The following ARHGAP21 variants were observed in gnomAD, a reference collection of about 807,000 sequenced individuals.
ARHGAP21 encodes the protein rho GTPase-activating protein 21.
Under a neutral mutation model 164.6 loss-of-function variants are expected in ARHGAP21, and 38 were observed. That is an observed-to-expected ratio of 0.23 (90% CI 0.18 to 0.30). The LOEUF is 0.30. Ranked by LOEUF, ARHGAP21 falls within the 10% of genes least tolerant of loss-of-function variation. ARHGAP21 has a pLI of 1.00. For missense variants in ARHGAP21, 1,822 were observed against 2,370.7 expected (o/e 0.77, Z 4.81); for synonymous variants, 766 against 857.9 (o/e 0.89, Z 1.87).
intron 2 of ARHGAP21, among the ~76,000 whole-genome samples, chr10:24,684,814 C>CT (rs1177188566): frequency 6.6e-6 from 1 of 151,890 alleles, no homozygotes; most frequent in Admixed American, 6.6e-5. Context: ...AATTTTTGTA[C>CT]TTTTAGTAGA....
intron 4 of ARHGAP21, among the ~76,000 whole-genome samples, chr10:24,660,374 C>T (rs1341417805): frequency 8.3e-6 from 1 of 120,390 alleles, no homozygotes; most frequent in Non-Finnish European, 1.6e-5. Flanking sequence ...CAGAGCAACA[C>T]CCTCTCTCTC....
chr10:24,598,784 T>C (rs764656733), intron 14 of ARHGAP21, among the ~76,000 whole-genome samples: 1 of 152,210 alleles, frequency 6.6e-6, no homozygotes, highest in African/African-American at 2.4e-5. Flanking sequence ...TTAAATAGAC[T>C]CTTCCAACTT....
intron 14 of ARHGAP21, 87 bp from the exon 15 acceptor site, chr10:24,598,096 G>T: frequency 9.7e-7 from 1 of 1,034,634 alleles, no homozygotes; most frequent in Admixed American, 2.1e-5. Context: ...GTACTGCTTT[G>T]CTTATTTAAC....
chr10:24,633,362 TA>T (rs1263421003), intron 6 of ARHGAP21, 39 bp downstream of exon 6: 2 of 1,404,694 alleles, frequency 1.4e-6, no homozygotes, highest in Non-Finnish European at 2.0e-6. Context: ...TATTGATCTA[TA>T]AAACCCATCT....
intron 3 of ARHGAP21, among the ~76,000 whole-genome samples, chr10:24,669,036 A>C (rs1840456414): frequency 1.3e-5 from 2 of 152,166 alleles, no homozygotes; most frequent in African/African-American, 4.8e-5. Context: ...TTCTTAAGAG[A>C]TCTAGTCCAG....
intron 2 of ARHGAP21, among the ~76,000 whole-genome samples, chr10:24,692,729 G>A (rs1366068146): frequency 6.6e-6 from 1 of 152,062 alleles, no homozygotes; most frequent in Non-Finnish European, 1.5e-5. Flanking sequence ...CTACTCAGGA[G>A]GCTGAGGCAG....
chr10:24,703,866 G>A (rs1843951220), intron 2 of ARHGAP21, among the ~76,000 whole-genome samples: 2 of 152,230 alleles, frequency 1.3e-5, no homozygotes, highest in South Asian at 4.1e-4. Context: ...GCTGTCCTAA[G>A]TATTCCTATA....
intron 2 of ARHGAP21, among the ~76,000 whole-genome samples, chr10:24,692,783 G>C (rs1017225261): frequency 1.3e-5 from 2 of 151,638 alleles, no homozygotes; most frequent in South Asian, 2.1e-4. Context: ...AGTGAGCAGA[G>C]ATTGTGCCAC....
At chr10:24,628,784 C>CACACATATAT (rs1227086471) in intron 7 of ARHGAP21, among the ~76,000 whole-genome samples, 1 of 96,848 alleles carries the variant, frequency 1.0e-5, no homozygotes, top group Admixed American at 1.1e-4. Flanking sequence ...TATATATATA[C>CACACATATAT]ACACATATAT....
chr10:24,617,226 A>G (rs1278679652), intron 9 of ARHGAP21, among the ~76,000 whole-genome samples: 3 of 152,188 alleles, frequency 2.0e-5, no homozygotes, highest in African/African-American at 7.2e-5. Context: ...CTTTAATAAC[A>G]TAATTGTTTT....
intron 9 of ARHGAP21, among the ~76,000 whole-genome samples, chr10:24,615,696 T>C (rs767922671): frequency 1.3e-5 from 2 of 152,200 alleles, no homozygotes; most frequent in Non-Finnish European, 2.9e-5. Context: ...AATTCCCCAC[T>C]GGGTTATGGT....
At position 24,584,652 on chromosome 10, in the gene ARHGAP21, G is replaced by A. The variant is rs372996217; in HGVS notation, c.5637C>T (p.Ser1879=). The change falls in exon 26 of 26, where the codon AGC becomes AGT. Residue 1879 remains serine, a synonymous_variant. Transcript: ENST00000396432. ...EIGDPQTENP[S]TREIATTDTP... ...TGTCGGTCGTGGCTATTTCTCGTGT[G>A]CTTGGGTTCTCTGTCTGGGGATCTC... 1.8e-5 allele frequency: 29 copies of A among 1,613,848 alleles called. No individual in the cohort carries two copies. Among genetic ancestry groups the A allele is most frequent in the Non-Finnish European group, 2.3e-5 (27 of 1,179,876 alleles).
At chr10:24,663,383 A>G (rs1839890713) in intron 4 of ARHGAP21, among the ~76,000 whole-genome samples, 1 of 152,230 alleles carries the variant, frequency 6.6e-6, no homozygotes, top group Non-Finnish European at 1.5e-5. Flanking sequence ...TTGAATATCC[A>G]TTCTTCTAAA....
Position 24,596,839 on chromosome 10 carries a change from G to C in ARHGAP21, c.3378C>G (p.Gly1126=). Residue 1126 remains glycine (G), a synonymous_variant, in exon 17 of 26, where the codon GGC becomes GGG. Coordinates refer to ENST00000396432, the MANE Select transcript of ARHGAP21 (RefSeq NM_020824.4). ...PPKDKGTWRK[G]IPSIMRKTFE... ...ATGTCTTTCTCATGATACTTGGAAT[G>C]CCTTTTCTCCATGTGCCTTTGTCTT... 1.2e-6 allele frequency: 2 copies of C among 1,610,798 alleles called. No homozygotes were observed. Among genetic ancestry groups the C allele is most frequent in the South Asian group, 1.1e-5 (1 of 90,700 alleles).
chr10:24,595,657 T>C (rs922583795), intron 19 of ARHGAP21, 60 bp downstream of exon 19: 8 of 1,511,454 alleles, frequency 5.3e-6, no homozygotes, highest in Non-Finnish European at 7.3e-6. Context: ...TAATATTCTA[T>C]GGTTTTCCAA....
chr10:24,690,837 A>AATAT (rs1045822007), intron 2 of ARHGAP21, among the ~76,000 whole-genome samples: 1 of 147,140 alleles, frequency 6.8e-6, no homozygotes, highest in South Asian at 2.1e-4. Context: ...CAAAAAAAAA[A>AATAT]ATATATATAT....
chr10:24,691,802 C>T (rs1310710260), intron 2 of ARHGAP21, among the ~76,000 whole-genome samples: 1 of 152,054 alleles, frequency 6.6e-6, no homozygotes, highest in East Asian at 1.9e-4. Flanking sequence ...CCAATAATAC[C>T]AGAGAAGGTT....
At chr10:24,588,633 C>T (rs2076204977) in intron 25 of ARHGAP21, among the ~76,000 whole-genome samples, 1 of 152,126 alleles carries the variant, frequency 6.6e-6, no homozygotes, top group South Asian at 2.1e-4. Flanking sequence ...TTGCTACTGC[C>T]TCAACAGTGC....
In ARHGAP21 at chr10:24,596,547, T is replaced by C; in HGVS notation, c.3477+193A>G. Reference sequence around the variant, plus strand: ...AGACAAATTCCTAATGGTTGAATAATTATTCAATTTCGGAGTCAATACATT... The same window carrying C: ...AGACAAATTCCTAATGGTTGAATAACTATTCAATTTCGGAGTCAATACATT... On this transcript the variant is annotated intron_variant, in intron 17 of 25. Transcript: ENST00000396432. 6.0e-6 allele frequency: 4 copies of C among 668,482 alleles called. No homozygotes were observed. The Admixed American group carries it at 1.4e-4, about 24-fold the overall frequency. The allele number at this position is 668,482 out of a possible 1,614,324, so 41.4% of individuals were successfully genotyped here. A position where few individuals can be genotyped will look rare whatever the true frequency, so the allele number is the denominator to read the frequency against.
Sources: allele counts gnomAD v4.1 joint callset (sites outside exome capture counted in the v4.1 genomes callset), GRCh38; gene constraint gnomAD v4.1.1; transcripts MANE v1.5; gene names NCBI Gene and HGNC (gene_info 2026-07-23, HGNC 2026-07-21).